PPP2R5A: variants seen among roughly 807,000 people sequenced by gnomAD.
The protein encoded by PPP2R5A is protein phosphatase 2 regulatory subunit B'alpha.
PPP2R5A carries 25 observed loss-of-function variants against 64.2 expected under a neutral mutation model. The observed-to-expected ratio is 0.39, with a 90% CI of 0.28 to 0.54. The LOEUF (loss-of-function observed/expected upper bound fraction) is 0.54. PPP2R5A is among the 20% of genes least tolerant of loss of function. The pLI is 0.67. For synonymous variants in PPP2R5A, 198 were observed against 201.2 expected (o/e 0.98, Z 0.13); for missense variants, 425 against 576.3 (o/e 0.74, Z 2.69).
intron 1 of PPP2R5A, among the ~76,000 whole-genome samples, chr1:212,302,695 A>T (rs2102415290): frequency 6.6e-6 from 1 of 152,314 alleles, no homozygotes; most frequent in African/African-American, 2.4e-5. Flanking sequence ...TCAATTTTAG[A>T]ATAGTTTTAT....
chr1:212,353,676 C>T (rs936625980), intron 8 of PPP2R5A, among the ~76,000 whole-genome samples: 3 of 152,028 alleles, frequency 2.0e-5, no homozygotes, highest in African/African-American at 7.3e-5. Flanking sequence ...AGGTTCTGTT[C>T]CATTAACTCC....
rs143413614 is a variant in PPP2R5A, at chr1:212,308,032, G to A, written c.182-21103G>A. On this transcript the variant is annotated intron_variant, in intron 1 of 12. Coordinates refer to ENST00000261461, the MANE Select transcript of PPP2R5A (RefSeq NM_006243.4). ...ACCTGGCTAATTTTTGTATTTTTTT[G>A]TAGAGACAGGTTCTCAACTGTTGCC... is the stretch of plus-strand genomic sequence containing the variant. Among the ~76,000 whole-genome samples the A allele has an allele frequency of 5.3e-5, 8 of 151,980 alleles. No individual in the cohort carries two copies. The East Asian group carries it at 1.5e-3, about 29-fold the overall frequency.
At chr1:212,312,920 CA>C (rs1213823308) in intron 1 of PPP2R5A, among the ~76,000 whole-genome samples, 4 of 152,038 alleles carry the variant, frequency 2.6e-5, no homozygotes, top group African/African-American at 9.7e-5. Context: ...GCTGGTTTTA[CA>C]TTAAAAAAAT....
At position 212,361,190 on chromosome 1, in the gene PPP2R5A, C is replaced by A. The variant is rs969781718; in HGVS notation, c.*420C>A. On this transcript the variant is annotated 3_prime_UTR_variant, in exon 13 of 13. Transcript: ENST00000261461. ...CTTAGTTACATCCTAGGAAAAAATA[C>A]TTCCTAAAATAAAACTAAGGTATCA... is the stretch of plus-strand genomic sequence containing the variant. The A allele has an allele frequency of 8.5e-5, 13 of 152,908 alleles. No individual in the cohort carries two copies. Among genetic ancestry groups the A allele is most frequent in the African/African-American group, 2.9e-4 (12 of 41,406 alleles). 9.5% of individuals were successfully genotyped at this position (152,908 alleles called of 1,614,324 possible).
chr1:212,303,102 T>C (rs1658828970), intron 1 of PPP2R5A, among the ~76,000 whole-genome samples: 1 of 152,152 alleles, frequency 6.6e-6, no homozygotes, highest in Admixed American at 6.5e-5. Context: ...CTCTTGGGTA[T>C]ATGTAGGAGT....
At chr1:212,346,176 A>C (rs369842341) in intron 5 of PPP2R5A, among the ~76,000 whole-genome samples, 1 of 151,654 alleles carries the variant, frequency 6.6e-6, no homozygotes, top group African/African-American at 2.4e-5. Context: ...AATTTTTTTG[A>C]CTTTTAGTAG....
chr1:212,301,051 T>C (rs1658792012), intron 1 of PPP2R5A, among the ~76,000 whole-genome samples: 1 of 152,174 alleles, frequency 6.6e-6, no homozygotes, highest in Non-Finnish European at 1.5e-5. Flanking sequence ...TCTTGCTCTG[T>C]CACCCAGGCT....
chr1:212,310,947 T>A (rs1197633808), intron 1 of PPP2R5A, among the ~76,000 whole-genome samples: 3 of 152,212 alleles, frequency 2.0e-5, no homozygotes, highest in Non-Finnish European at 1.5e-5. Context: ...GTAGGGTTTC[T>A]ACATAGCTGA....
chr1:212,320,913 G>A (rs1659269446), intron 1 of PPP2R5A, among the ~76,000 whole-genome samples: 1 of 121,600 alleles, frequency 8.2e-6, no homozygotes, highest in Admixed American at 7.6e-5. Flanking sequence ...TCACCTCCCG[G>A]ACGGGGCGGC....
intron 1 of PPP2R5A, among the ~76,000 whole-genome samples, chr1:212,303,840 A>T: frequency 6.6e-6 from 1 of 152,130 alleles, no homozygotes; most frequent in Non-Finnish European, 1.5e-5. Context: ...GAAAATTAGC[A>T]CATGGTTTTA....
intron 1 of PPP2R5A, among the ~76,000 whole-genome samples, chr1:212,321,999 A>G (rs1307234040): frequency 6.6e-6 from 1 of 151,828 alleles, no homozygotes; most frequent in Non-Finnish European, 1.5e-5. Context: ...CAGCCCGGCC[A>G]ACACAGCGAA....
At chr1:212,321,470 A>G (rs1294987431) in intron 1 of PPP2R5A, among the ~76,000 whole-genome samples, 1 of 145,626 alleles carries the variant, frequency 6.9e-6, no homozygotes, top group Non-Finnish European at 1.5e-5. Flanking sequence ...CACTTCTCAG[A>G]CGGTGTGGCT....
chr1:212,347,493 G>A, intron 6 of PPP2R5A, 87 bp downstream of exon 6: 1 of 1,008,722 alleles, frequency 9.9e-7, no homozygotes, highest in Non-Finnish European at 1.5e-6. Flanking sequence ...GAGAAATTAT[G>A]TCATATTTTA....
chr1:212,306,000 G>T (rs1018278404), intron 1 of PPP2R5A, among the ~76,000 whole-genome samples: 1 of 152,120 alleles, frequency 6.6e-6, no homozygotes, highest in African/African-American at 2.4e-5. Flanking sequence ...TTTTACTTCT[G>T]CACAGAGGGT....
intron 1 of PPP2R5A, among the ~76,000 whole-genome samples, chr1:212,299,908 G>A (rs1658769145): frequency 6.6e-6 from 1 of 151,926 alleles, no homozygotes; most frequent in South Asian, 2.1e-4. Context: ...CACATCATGG[G>A]TTCAAGCAGT....
chr1:212,347,476 G>T, intron 6 of PPP2R5A, 70 bp downstream of exon 6: 1 of 1,168,908 alleles, frequency 8.6e-7, no homozygotes, highest in South Asian at 1.3e-5. Flanking sequence ...AATCTTAGCT[G>T]GGGTTGGAGA....
At chr1:212,320,909 C>A (rs1415544626) in intron 1 of PPP2R5A, among the ~76,000 whole-genome samples, 525 of 124,316 alleles carry the variant, frequency 4.2e-3, no homozygotes, top group African/African-American at 0.015. Context: ...CCCCTCACCT[C>A]CCGGACGGGG....
intron 8 of PPP2R5A, chr1:212,352,950 T>G: frequency 1.9e-6 from 1 of 518,302 alleles, no homozygotes; most frequent in Non-Finnish European, 3.9e-6. Context: ...AAAATACCAT[T>G]CCATTGGGAG....
chr1:212,289,262 C>A (rs1658560116), intron 1 of PPP2R5A, among the ~76,000 whole-genome samples: 1 of 152,008 alleles, frequency 6.6e-6, no homozygotes, highest in Non-Finnish European at 1.5e-5. Context: ...GATATGTAAC[C>A]CTTAATCCCT....
Sources: gnomAD v4.1 joint callset for allele counts (sites outside exome capture counted in the v4.1 genomes callset) on GRCh38, gnomAD v4.1.1 for gene constraint, MANE v1.5 for transcripts, NCBI Gene and HGNC (gene_info 2026-07-23, HGNC 2026-07-21) for gene names.